The following CDH8 variants were observed in gnomAD, a reference collection of about 807,000 sequenced individuals.
The protein encoded by CDH8 is cadherin-8.
Under a neutral mutation model 68.1 loss-of-function variants are expected in CDH8, and 17 were observed. The ratio of observed to expected loss-of-function variants is 0.25; its 90% CI spans 0.17 to 0.37. CDH8 has a LOEUF of 0.37. Ranked by LOEUF, CDH8 falls within the 10% of genes least tolerant of loss-of-function variation. The pLI is 1.00. For missense variants in CDH8, 763 were observed against 999.3 expected, an observed-to-expected ratio of 0.76 and a Z score of 3.19; for synonymous variants, 372 against 365.1, an observed-to-expected ratio of 1.02 and a Z score of -0.21.
At chr16:61,736,106 A>AG (rs1238675427) in intron 8 of CDH8, among the ~76,000 whole-genome samples, 85 of 127,956 alleles carry the variant, frequency 6.6e-4, no homozygotes, top group African/African-American at 2.2e-3. Flanking sequence ...AAGGAAAGAA[A>AG]GAAAGAAAGG....
At chr16:61,659,029 T>C (rs1963504547) in intron 10 of CDH8, among the ~76,000 whole-genome samples, 1 of 152,190 alleles carries the variant, frequency 6.6e-6, no homozygotes, top group Admixed American at 6.6e-5. Flanking sequence ...TCACTGCTGC[T>C]GGTATATAAA....
chr16:62,020,646 T>C (rs963498883), intron 2 of CDH8, among the ~76,000 whole-genome samples: 2 of 152,166 alleles, frequency 1.3e-5, no homozygotes, highest in Non-Finnish European at 2.9e-5. Flanking sequence ...CTTTAAGAAC[T>C]TCCTTTTCTC....
At chr16:61,747,907 G>A (rs906651471) in intron 8 of CDH8, among the ~76,000 whole-genome samples, 2 of 152,016 alleles carry the variant, frequency 1.3e-5, no homozygotes, top group Non-Finnish European at 2.9e-5. Context: ...CGCCGGGGCA[G>A]GGCTTTGAAC....
chr16:61,743,094 C>T (rs956977262), intron 8 of CDH8: 1 of 151,910 alleles, frequency 6.6e-6, no homozygotes, highest in Admixed American at 6.6e-5. Flanking sequence ...TATATTTTTG[C>T]CAATAACTTT....
At position 61,650,604 on chromosome 16, in the gene CDH8, G is replaced by C. The variant is rs1963297972; in HGVS notation, c.*3004C>G. On this transcript the variant is annotated 3_prime_UTR_variant, in exon 12 of 12. Transcript: ENST00000577390. ...AACCTTATTGATATCTTTTGGTTGG[G>C]AAAGTCCTGGCAAGTCTATTGCTAA... 1.3e-5 allele frequency: 2 copies of C among 151,728 alleles called. No homozygotes were observed. The allele number at this position is 151,728 out of a possible 1,614,324, so 9.4% of individuals were successfully genotyped here.
At chr16:62,002,278 G>A (rs1335222682) in intron 2 of CDH8, among the ~76,000 whole-genome samples, 1 of 152,130 alleles carries the variant, frequency 6.6e-6, no homozygotes, top group East Asian at 1.9e-4. Flanking sequence ...GACATAATGT[G>A]ACTACTTTAC....
chr16:61,672,066 A>AT (rs564435528), intron 10 of CDH8, among the ~76,000 whole-genome samples: 13 of 151,948 alleles, frequency 8.6e-5, no homozygotes, highest in South Asian at 2.1e-4. Context: ...AATAAAAGGG[A>AT]TTTTTTTTGA....
At chr16:62,034,793 C>G (rs1902413186) in intron 1 of CDH8, among the ~76,000 whole-genome samples, 1 of 152,166 alleles carries the variant, frequency 6.6e-6, no homozygotes, top group African/African-American at 2.4e-5. Flanking sequence ...TAAGCTCTAT[C>G]GTTTAATTGG....
chr16:61,698,885 G>A (rs547768096), intron 10 of CDH8, among the ~76,000 whole-genome samples: 1 of 152,160 alleles, frequency 6.6e-6, no homozygotes, highest in Non-Finnish European at 1.5e-5. Context: ...TTAAGAAGGA[G>A]AGTTGAAGTG....
At chr16:61,915,579 C>A (rs1303638862) in intron 2 of CDH8, among the ~76,000 whole-genome samples, 1 of 152,168 alleles carries the variant, frequency 6.6e-6, no homozygotes, top group East Asian at 1.9e-4. Context: ...CACCTGAAAC[C>A]AAGGACTCCA....
At chr16:61,953,056 G>C (rs772128805) in intron 2 of CDH8, among the ~76,000 whole-genome samples, 2 of 152,064 alleles carry the variant, frequency 1.3e-5, no homozygotes, top group Non-Finnish European at 1.5e-5. Context: ...CTCCTGAATG[G>C]GATTAGTGCA....
At chr16:61,654,573 A>T (rs924150903) in intron 11 of CDH8, among the ~76,000 whole-genome samples, 2 of 152,154 alleles carry the variant, frequency 1.3e-5, no homozygotes, top group African/African-American at 4.8e-5. Context: ...ATGTTCTTTT[A>T]TAAAAAAGTG....
At chr16:61,687,400 T>C (rs1351220724) in intron 10 of CDH8, among the ~76,000 whole-genome samples, 1 of 152,014 alleles carries the variant, frequency 6.6e-6, no homozygotes, top group African/African-American at 2.4e-5. Context: ...ACCAGGACAC[T>C]GAGGCTCAGA....
chr16:61,653,892 A>G lies in CDH8; in HGVS notation c.2116T>C (p.Phe706Leu). The change falls in exon 12 of 12, where the codon TTT becomes CTT. Residue 706 changes from phenylalanine to leucine, a missense_variant. This residue lies in a region of CDH8 where 397 missense variants were observed against 436.2 expected (regional missense o/e 0.91). Transcript: ENST00000577390. ...GGAGCAAGCCCTTGCCTTGGCATAAACTGCAAATCTGGTTTAATATCCTTA... is the reference window on the plus strand; with the variant it reads ...GGAGCAAGCCCTTGCCTTGGCATAAGCTGCAAATCTGGTTTAATATCCTTA... ...PRKDIKPDLQ[F>L]MPRQGLAPVP... 1 of 1,614,218 alleles carries G rather than the reference A, an allele frequency of 6.2e-7. No homozygotes were observed. The highest frequency in any genetic ancestry group is 8.5e-7 in the Non-Finnish European group (1 of 1,180,042).
intron 8 of CDH8, among the ~76,000 whole-genome samples, chr16:61,781,639 T>A (rs961332699): frequency 2.4e-4 from 36 of 152,176 alleles, no homozygotes; most frequent in African/African-American, 7.7e-4. Context: ...TAGATTGTTT[T>A]CAGTATATGT....
intron 2 of CDH8, among the ~76,000 whole-genome samples, chr16:61,958,647 G>C (rs762667540): frequency 6.6e-6 from 1 of 152,144 alleles, no homozygotes; most frequent in East Asian, 1.9e-4. Flanking sequence ...ATCCATGATA[G>C]AGATTGATCA....
At chr16:61,915,470 T>A (rs1964224161) in intron 2 of CDH8, among the ~76,000 whole-genome samples, 1 of 152,204 alleles carries the variant, frequency 6.6e-6, no homozygotes, top group Admixed American at 6.5e-5. Flanking sequence ...AAAAAATGAT[T>A]CAAACCCAAG....
chr16:61,942,912 A>G (rs532450493), intron 2 of CDH8, among the ~76,000 whole-genome samples: 15 of 152,172 alleles, frequency 9.9e-5, no homozygotes, highest in African/African-American at 3.4e-4. Flanking sequence ...CCTCTACAAA[A>G]TATACAAAAA....
chr16:61,676,675 T>A (rs949225038), intron 10 of CDH8, among the ~76,000 whole-genome samples: 3 of 152,120 alleles, frequency 2.0e-5, no homozygotes, highest in Admixed American at 6.6e-5. Context: ...AAAGACTGAA[T>A]ATTTTTCCAA....
Sources: gnomAD v4.1 joint callset for allele counts (sites outside exome capture counted in the v4.1 genomes callset) on GRCh38, gnomAD v4.1.1 for gene constraint, gnomAD v4.1.1 regional missense constraint, MANE v1.5 for transcripts, NCBI Gene and HGNC (gene_info 2026-07-23, HGNC 2026-07-21) for gene names.